Variants in PCCA observed in about 807,000 individuals in gnomAD.
PCCA encodes propionyl-CoA carboxylase subunit alpha, also known as propionyl-CoA carboxylase alpha chain, mitochondrial.
A neutral mutation model predicts 101.3 loss-of-function variants in PCCA; 74 were observed. That is an observed-to-expected ratio of 0.73 (90% CI 0.61 to 0.89). The LOEUF (loss-of-function observed/expected upper bound fraction) is 0.89, where lower values mean the gene tolerates loss of function less well. Ranked by LOEUF, PCCA falls within the 40% of genes least tolerant of loss-of-function variation. The probability of loss-of-function intolerance (pLI) is 0.00; values close to 1 mark genes in which losing one functional copy is unlikely to be tolerated. For synonymous variants in PCCA, 294 were observed against 313.6 expected, an observed-to-expected ratio of 0.94 and a Z score of 0.66; for missense variants, 891 against 907.0, an observed-to-expected ratio of 0.98 and a Z score of 0.23.
At chr13:100,095,516 A>C (rs1390713518) in intron 1 of PCCA, among the ~76,000 whole-genome samples, 1 of 152,134 alleles carries the variant, frequency 6.6e-6, no homozygotes, top group Non-Finnish European at 1.5e-5. Flanking sequence ...TGGGATAGAG[A>C]GTGGTAGTGG....
chr13:100,245,082 G>C (rs1235450209), intron 8 of PCCA, among the ~76,000 whole-genome samples: 2 of 151,978 alleles, frequency 1.3e-5, no homozygotes, highest in East Asian at 1.9e-4. Context: ...TCAGTCTGAG[G>C]TCTGCCAACT....
chr13:100,400,279 G>A (rs2077261429), intron 19 of PCCA, among the ~76,000 whole-genome samples: 2 of 152,198 alleles, frequency 1.3e-5, no homozygotes, highest in African/African-American at 4.8e-5. Context: ...TTCACCCTCT[G>A]CTGTTGTCAG....
intron 1 of PCCA, among the ~76,000 whole-genome samples, chr13:100,099,158 T>G (rs1010183475): frequency 6.6e-6 from 1 of 152,258 alleles, no homozygotes; most frequent in East Asian, 1.9e-4. Context: ...TTTAGTATTA[T>G]TCATCTGAAT....
At position 100,313,384 on chromosome 13, in the gene PCCA, A is replaced by G. The variant is rs535774485; in HGVS notation, c.1429+3476A>G. On this transcript the variant is annotated intron_variant, in intron 16 of 23. Coordinates refer to ENST00000376285, the MANE Select transcript of PCCA (RefSeq NM_000282.4). ...CTAAATGGGAGACTGAAGTTTTATT[A>G]CTCAAATAAATTTCTCCCAAAATTT... Among the ~76,000 whole-genome samples the G allele has an allele frequency of 1.1e-4, 16 of 152,340 alleles. No homozygotes were observed. In the East Asian group the frequency reaches 2.7e-3, roughly 26 times the overall value.
chr13:100,199,618 C>T (rs1361781807), intron 6 of PCCA, among the ~76,000 whole-genome samples: 1 of 152,176 alleles, frequency 6.6e-6, no homozygotes, highest in African/African-American at 2.4e-5. Context: ...ATAGGAGGCA[C>T]ATAATGTCTT....
chr13:100,523,843 C>A (rs544525927), intron 22 of PCCA, among the ~76,000 whole-genome samples: 1 of 152,338 alleles, frequency 6.6e-6, no homozygotes, highest in South Asian at 2.1e-4. Flanking sequence ...TTGGAGACAT[C>A]CTGTCACAAT....
intron 21 of PCCA, among the ~76,000 whole-genome samples, chr13:100,509,252 T>C (rs1483009767): frequency 6.6e-6 from 1 of 152,196 alleles, no homozygotes; most frequent in Non-Finnish European, 1.5e-5. Context: ...ACCCTATGCG[T>C]TTGTTCTCTG....
At chr13:100,266,365 C>T (rs1249801378) in intron 10 of PCCA, among the ~76,000 whole-genome samples, 1 of 152,170 alleles carries the variant, frequency 6.6e-6, no homozygotes, top group Admixed American at 6.5e-5. Flanking sequence ...CCATGGCATA[C>T]AGCCTGGGTG....
At chr13:100,215,928 TGTGCGCAGCCCTGCC>T (rs2059479050) in intron 7 of PCCA, among the ~76,000 whole-genome samples, 1 of 152,172 alleles carries the variant, frequency 6.6e-6, no homozygotes, top group Admixed American at 6.6e-5. Flanking sequence ...TGTGAGCCAC[TGTGCGCAGCCCTGCC>T]GTATACTTTA....
chr13:100,222,432 G>C (rs1245317996), intron 7 of PCCA, among the ~76,000 whole-genome samples: 1 of 152,090 alleles, frequency 6.6e-6, no homozygotes, highest in Non-Finnish European at 1.5e-5. Flanking sequence ...TCTGATACAA[G>C]AGGCTGTACA....
chr13:100,119,252 A>G (rs998825441), intron 4 of PCCA, among the ~76,000 whole-genome samples: 1 of 152,092 alleles, frequency 6.6e-6, no homozygotes, highest in South Asian at 2.1e-4. Flanking sequence ...AATCTATCAT[A>G]TTATTGTATT....
intron 19 of PCCA, among the ~76,000 whole-genome samples, chr13:100,424,049 G>C (rs1218258137): frequency 6.6e-5 from 10 of 152,196 alleles, no homozygotes; most frequent in Admixed American, 6.5e-4. Flanking sequence ...AGATATTTGG[G>C]GGAGCGGGGA....
rs150148834 is a variant in PCCA at position 100,321,747 on chromosome 13, A to G, written c.1430-8814A>G. On this transcript the variant is annotated intron_variant, in intron 16 of 23. Coordinates refer to ENST00000376285, the MANE Select transcript of PCCA (RefSeq NM_000282.4). ...TTGTGTAGCTAAAGGAATAGCATTA[A>G]TTTGAATTTGTGAATGTTTTCTAAA... Among the ~76,000 whole-genome samples, 441 of 152,138 alleles carry G rather than the reference A, an allele frequency of 2.9e-3. 1 individual carries two copies. The highest frequency in any genetic ancestry group is 0.01 in the African/African-American group (422 of 41,492).
intron 21 of PCCA, among the ~76,000 whole-genome samples, chr13:100,494,419 CACGCCT>C (rs1020277319): frequency 2.0e-5 from 3 of 152,098 alleles, no homozygotes; most frequent in African/African-American, 7.2e-5. Context: ...TACGGTGGCT[CACGCCT>C]GTAATCCCAG....
chr13:100,300,602 T>C (rs1407905972), intron 12 of PCCA, among the ~76,000 whole-genome samples: 1 of 152,240 alleles, frequency 6.6e-6, no homozygotes, highest in Non-Finnish European at 1.5e-5. Context: ...AAGTTTTGTT[T>C]AAATTCTTAG....
At chr13:100,269,201 T>A (rs1277781050) in intron 11 of PCCA, among the ~76,000 whole-genome samples, 1 of 152,204 alleles carries the variant, frequency 6.6e-6, no homozygotes, top group African/African-American at 2.4e-5. Context: ...CTAATGTTCA[T>A]GTAGACTCTG....
rs747647415 is a variant in PCCA, at chr13:100,340,306, A to C, written c.1643+47A>C. 2.1e-5 allele frequency: 20 copies of C among 958,100 alleles called. No homozygotes were observed. In the South Asian group the frequency reaches 2.6e-4, roughly 12 times the overall value. 59.3% of individuals were successfully genotyped at this position (958,100 alleles called of 1,614,324 possible). A position where few individuals can be genotyped will look rare whatever the true frequency, so the allele number is the denominator to read the frequency against. On this transcript the variant is annotated intron_variant, in intron 18 of 23. Coordinates refer to ENST00000376285, the MANE Select transcript of PCCA (RefSeq NM_000282.4). ...AGAATAAATGAGCAGAACAATATTG[A>C]TAATCCAGTCTACATAGGAAATACT...
chr13:100,240,665 G>A (rs2061069868), intron 8 of PCCA, among the ~76,000 whole-genome samples: 1 of 151,888 alleles, frequency 6.6e-6, no homozygotes, highest in South Asian at 2.1e-4. Context: ...AATTGTTACG[G>A]TTTATACTCG....
chr13:100,162,427 G>A (rs1453246697), intron 6 of PCCA, among the ~76,000 whole-genome samples: 5 of 152,188 alleles, frequency 3.3e-5, no homozygotes, highest in African/African-American at 7.2e-5. Flanking sequence ...GTATGGATCC[G>A]TTGTTTAGTA....
Sources: gnomAD v4.1 joint callset for allele counts (sites outside exome capture counted in the v4.1 genomes callset) on GRCh38, gnomAD v4.1.1 for gene constraint, MANE v1.5 for transcripts, NCBI Gene and HGNC (gene_info 2026-07-23, HGNC 2026-07-21) for gene names.